Variants in ZNF480 observed in about 807,000 individuals in gnomAD.
The protein encoded by ZNF480 is zinc finger protein 480.
Under a neutral mutation model 14.4 loss-of-function variants are expected in ZNF480, and 15 were observed. The observed-to-expected ratio is 1.04, with a 90% CI of 0.70 to 1.60. ZNF480 has a LOEUF of 1.60. Among genes scored for constraint, ZNF480 ranks in the 40% most tolerant of loss-of-function variants. ZNF480 has a pLI of 0.00. For missense variants in ZNF480, 593 were observed against 629.7 expected (o/e 0.94, Z 0.62); for synonymous variants, 218 against 215.5 (o/e 1.01, Z -0.10).
chr19:52,316,793 C>T (rs7249338), intron 4 of ZNF480, among the ~76,000 whole-genome samples: 112,563 of 152,114 alleles, frequency 0.74, 42,195 homozygotes, highest in African/African-American at 0.83. Context: ...AATGGAATCA[C>T]ACAGTATTTG....
At position 52,302,765 on chromosome 19, in the gene ZNF480, A is replaced by G. The variant is rs142495914; in HGVS notation, c.72+2281A>G. Among the ~76,000 whole-genome samples the G allele has an allele frequency of 2.3e-3, 348 of 152,362 alleles. 2 individuals are homozygous for G. Among genetic ancestry groups the G allele is most frequent in the East Asian group, 0.017 (86 of 5,184 alleles). ...AAGATGAGGAATGCACCAATTGGCA[A>G]GTTGCGCATTGCTGGATAATAGATT... On this transcript the variant is annotated intron_variant, in intron 2 of 4. Transcript: ENST00000595962.
At chr19:52,298,260 G>A (rs1382601124) in intron 1 of ZNF480, among the ~76,000 whole-genome samples, 1 of 151,976 alleles carries the variant, frequency 6.6e-6, no homozygotes, top group Non-Finnish European at 1.5e-5. Context: ...GGGATCTCAG[G>A]GTGCCAGAGA....
intron 2 of ZNF480, among the ~76,000 whole-genome samples, chr19:52,310,773 G>A (rs1983234950): frequency 6.6e-6 from 1 of 151,758 alleles, no homozygotes; most frequent in African/African-American, 2.4e-5. Context: ...GGCCGAGGCG[G>A]GTGGATCACG....
intron 4 of ZNF480, chr19:52,317,267 C>T (rs533920412): frequency 6.6e-6 from 1 of 152,346 alleles, no homozygotes; most frequent in African/African-American, 2.4e-5. Flanking sequence ...CTACCTGCCT[C>T]AGCCTCCCAA....
rs35424613 is a variant in ZNF480, at chr19:52,315,978, G to A, written c.328+16G>A. The A allele has an allele frequency of 0.039, 61,719 of 1,579,576 alleles. 1,391 individuals carry two copies. The highest frequency in any genetic ancestry group is 0.044 in the Non-Finnish European group (51,196 of 1,160,554). On this transcript the variant is annotated intron_variant, in intron 4 of 4. Coordinates refer to ENST00000595962, the MANE Select transcript of ZNF480 (RefSeq NM_144684.4). ...GTGAACACAGGTAAGAGCTCAGATGGGCATGGTGGAAGCCATGCTGTTGTT... is the reference window on the plus strand; with the variant it reads ...GTGAACACAGGTAAGAGCTCAGATGAGCATGGTGGAAGCCATGCTGTTGTT...
At position 52,325,806 on chromosome 19, in the gene ZNF480, G is replaced by A. The variant is rs772914040; in HGVS notation, c.*2948G>A. On this transcript the variant is annotated 3_prime_UTR_variant, in exon 5 of 5. Transcript: ENST00000595962. ...GATGAAGATTGAATAACTGCCTGTT[G>A]GGTACTATGCTGATTACCTGGGGAC... 8 of 152,194 alleles carry A rather than the reference G, an allele frequency of 5.3e-5. No homozygotes were observed. Among genetic ancestry groups the A allele is most frequent in the Admixed American group, 2.0e-4 (3 of 15,276 alleles). The allele number at this position is 152,194 out of a possible 1,614,324, so 9.4% of individuals were successfully genotyped here. A position where few individuals can be genotyped will look rare whatever the true frequency, so the allele number is the denominator to read the frequency against.
rs10712920 is a variant in ZNF480 at position 52,312,149 on chromosome 19, A to AT, written c.73-1988dup. On this transcript the variant is annotated intron_variant, in intron 2 of 4. Coordinates refer to ENST00000595962, the MANE Select transcript of ZNF480 (RefSeq NM_144684.4). The stretch of plus-strand genomic sequence containing the variant: ...GGATACATGTGTGTACTCATATATA[A>AT]TTTTTTTTTTTTTTTTGACAGAGTC... Among the ~76,000 whole-genome samples the AT allele has an allele frequency of 8.1e-3, 1,143 of 140,552 alleles. 22 individuals carry two copies. Among genetic ancestry groups the AT allele is most frequent in the East Asian group, 0.034 (162 of 4,822 alleles). 92.2% of individuals were successfully genotyped at this position (140,552 alleles called of 152,430 possible).
intron 2 of ZNF480, chr19:52,308,844 CG>C (rs1983121960): frequency 9.9e-5 from 10 of 101,268 alleles, no homozygotes; most frequent in South Asian, 3.4e-4. Context: ...TTCTTGTCCA[CG>C]AATTATTATT....
At position 52,322,316 on chromosome 19, in the gene ZNF480, G is replaced by A. The variant is rs1197694624; in HGVS notation, c.1066G>A (p.Ala356Thr). The change falls in exon 5 of 5, where the codon GCG becomes ACG. Residue 356 changes from alanine to threonine, a missense_variant. Transcript: ENST00000595962. ...ATGTGGCAAGGCCTTCTATAGGATT[G>A]CGCTCCTTGTACGACATCAGAAAAT... ...DECGKAFYRI[A>T]LLVRHQKIHT... is the part of the protein sequence containing the mutation. The A allele has an allele frequency of 5.6e-6, 9 of 1,610,740 alleles. No individual in the cohort carries two copies. The highest frequency in any genetic ancestry group is 3.3e-5 in the South Asian group (3 of 90,918).
intron 4 of ZNF480, among the ~76,000 whole-genome samples, chr19:52,319,811 GTT>G (rs56151161): frequency 0.12 from 11,917 of 96,894 alleles, 731 homozygotes; most frequent in African/African-American, 0.25. Context: ...CTGATACTGT[GTT>G]TTTTTTTTTT....
chr19:52,321,745 C>T lies in ZNF480; in HGVS notation c.495C>T (p.Ser165=), dbSNP rs1212419098. The change falls in exon 5 of 5, where the codon TCC becomes TCT. Residue 165 remains serine (S), a synonymous_variant. Coordinates refer to ENST00000595962, the MANE Select transcript of ZNF480 (RefSeq NM_144684.4). ...ENFINHSSSV[S]CLQEMSSSVK... ...TTATCAACCACAGTTCCTCTGTTTCCTGTCTTCAAGAAATGTCTTCCAGTG... is the reference window on the plus strand; with the variant it reads ...TTATCAACCACAGTTCCTCTGTTTCTTGTCTTCAAGAAATGTCTTCCAGTG... The T allele has an allele frequency of 6.2e-7, 1 of 1,613,858 alleles. No homozygotes were observed. The highest frequency in any genetic ancestry group is 8.5e-7 in the Non-Finnish European group (1 of 1,179,898).
intron 1 of ZNF480, among the ~76,000 whole-genome samples, chr19:52,299,983 C>T (rs541418745): frequency 5.6e-4 from 85 of 152,312 alleles, no homozygotes; most frequent in South Asian, 3.9e-3. Flanking sequence ...CCCATGGATA[C>T]GGGGATTCCA....
intron 1 of ZNF480, among the ~76,000 whole-genome samples, chr19:52,299,284 A>G (rs530927943): frequency 1.2e-3 from 190 of 152,216 alleles, no homozygotes; most frequent in Non-Finnish European, 1.5e-3. Flanking sequence ...TTCATATCTG[A>G]TGAACAAAAT....
At chr19:52,306,342 T>A (rs1982927766) in intron 2 of ZNF480, among the ~76,000 whole-genome samples, 1 of 152,160 alleles carries the variant, frequency 6.6e-6, no homozygotes, top group South Asian at 2.1e-4. Flanking sequence ...CTGCCTGAAG[T>A]GATTTTTTTC....
intron 3 of ZNF480, 90 bp downstream of exon 3, chr19:52,314,369 T>A: frequency 2.3e-6 from 3 of 1,296,926 alleles, no homozygotes; most frequent in Non-Finnish European, 3.0e-6. Flanking sequence ...CCTGCATTGT[T>A]TGACTGACAT....
At chr19:52,321,534 C>T in intron 4 of ZNF480, 45 bp from the exon 5 acceptor site, 6 of 1,488,564 alleles carry the variant, frequency 4.0e-6, no homozygotes, top group Non-Finnish European at 5.4e-6. Flanking sequence ...TCTAAACATG[C>T]CAGAATTATG....
intron 4 of ZNF480, among the ~76,000 whole-genome samples, chr19:52,319,188 T>G (rs1243314522): frequency 1.3e-5 from 2 of 152,124 alleles, no homozygotes; most frequent in East Asian, 1.9e-4. Context: ...ATGGAGAATT[T>G]TATCCTCTCA....
chr19:52,314,490 A>C (rs1337742859), intron 3 of ZNF480, among the ~76,000 whole-genome samples: 1 of 151,092 alleles, frequency 6.6e-6, no homozygotes, highest in African/African-American at 2.4e-5. Flanking sequence ...AAAAAAAAAA[A>C]AAAAAAAACC....
chr19:52,318,534 A>G (rs56395018), intron 4 of ZNF480, among the ~76,000 whole-genome samples: 13,556 of 152,248 alleles, frequency 0.089, 933 homozygotes, highest in African/African-American at 0.19. Context: ...CAATTTTGTC[A>G]TAGTGCATCG....
Sources: gnomAD v4.1 joint callset for allele counts (sites outside exome capture counted in the v4.1 genomes callset) on GRCh38, gnomAD v4.1.1 for gene constraint, MANE v1.5 for transcripts, NCBI Gene and HGNC (gene_info 2026-07-23, HGNC 2026-07-21) for gene names.